The following PTPRR variants were observed in gnomAD, a reference collection of about 807,000 sequenced individuals.
The protein encoded by PTPRR is receptor-type tyrosine-protein phosphatase R.
PTPRR carries 38 observed loss-of-function variants against 77.2 expected under a neutral mutation model. The ratio of observed to expected loss-of-function variants is 0.49; its 90% CI spans 0.38 to 0.65. The LOEUF (loss-of-function observed/expected upper bound fraction) is 0.65, where lower values mean the gene tolerates loss of function less well. Ranked by LOEUF, PTPRR falls within the 30% of genes least tolerant of loss-of-function variation. The probability of loss-of-function intolerance (pLI) is 0.00; values close to 1 mark genes in which losing one functional copy is unlikely to be tolerated. For missense variants in PTPRR, 744 were observed against 799.2 expected (o/e 0.93, Z 0.83); for synonymous variants, 299 against 283.1 (o/e 1.06, Z -0.57).
chr12:70,638,876 A>G lies in PTPRR; in HGVS notation c.*308T>C, dbSNP rs1379505456. On this transcript the variant is annotated 3_prime_UTR_variant, in exon 14 of 14. Transcript: ENST00000283228. ...ACATTTATTACTGAATATTACATAC[A>G]TACATTCTGTGTGGCAGATAGAGTC... 1 of 300,984 alleles carries G rather than the reference A, an allele frequency of 3.3e-6. No homozygotes were observed. Among genetic ancestry groups the G allele is most frequent in the Non-Finnish European group, 6.2e-6 (1 of 160,898 alleles). The allele number at this position is 300,984 out of a possible 1,614,324, so 18.6% of individuals were successfully genotyped here. A position where few individuals can be genotyped will look rare whatever the true frequency, so the allele number is the denominator to read the frequency against.
chr12:70,862,735 T>C (rs2137080526), intron 2 of PTPRR, among the ~76,000 whole-genome samples: 1 of 143,750 alleles, frequency 7.0e-6, no homozygotes, highest in East Asian at 2.1e-4. Flanking sequence ...AAACTTAAAG[T>C]ATAATAATAA....
At chr12:70,773,486 T>G (rs1891024520) in intron 2 of PTPRR, among the ~76,000 whole-genome samples, 1 of 152,214 alleles carries the variant, frequency 6.6e-6, no homozygotes, top group African/African-American at 2.4e-5. Context: ...TGGGTGTTCA[T>G]TCCTGGTTGG....
At chr12:70,860,986 A>T (rs1892743695) in intron 2 of PTPRR, among the ~76,000 whole-genome samples, 1 of 152,090 alleles carries the variant, frequency 6.6e-6, no homozygotes, top group African/African-American at 2.4e-5. Context: ...GTATGCATGC[A>T]TTTGTTTATG....
intron 2 of PTPRR, among the ~76,000 whole-genome samples, chr12:70,821,554 G>C (rs1242112394): frequency 6.6e-6 from 1 of 151,802 alleles, no homozygotes; most frequent in East Asian, 1.9e-4. Context: ...CTTGACCTCA[G>C]GCAGGAATAA....
intron 6 of PTPRR, among the ~76,000 whole-genome samples, chr12:70,737,511 T>TATCTATC (rs1393442916): frequency 6.6e-6 from 1 of 151,248 alleles, no homozygotes; most frequent in Non-Finnish European, 1.5e-5. Context: ...TCTATCTATC[T>TATCTATC]ATCTATCTAT....
At chr12:70,766,722 C>T (rs1028101695) in intron 2 of PTPRR, among the ~76,000 whole-genome samples, 13 of 151,330 alleles carry the variant, frequency 8.6e-5, no homozygotes, top group African/African-American at 2.7e-4. Context: ...TCAGATTCAC[C>T]AAAGTTGAAA....
chr12:70,863,152 A>G (rs1892783249), intron 2 of PTPRR, among the ~76,000 whole-genome samples: 1 of 152,212 alleles, frequency 6.6e-6, no homozygotes, highest in African/African-American at 2.4e-5. Flanking sequence ...AGCATTGATC[A>G]AATTACAAAC....
At chr12:70,769,646 T>G (rs1890919518) in intron 2 of PTPRR, among the ~76,000 whole-genome samples, 1 of 151,820 alleles carries the variant, frequency 6.6e-6, no homozygotes, top group African/African-American at 2.4e-5. Flanking sequence ...CTTCACAGAA[T>G]TGGAAAAAAC....
At chr12:70,737,958 A>G (rs1889925949) in intron 6 of PTPRR, among the ~76,000 whole-genome samples, 1 of 152,250 alleles carries the variant, frequency 6.6e-6, no homozygotes. Context: ...AGATTCTCCA[A>G]GTTAAAATCT....
Position 70,874,597 on chromosome 12 carries a change from G to A in PTPRR, c.357+18082C>T, listed in dbSNP as rs558304143. Among the ~76,000 whole-genome samples the A allele has an allele frequency of 2.0e-5, 3 of 152,170 alleles. No individual in the cohort carries two copies. The South Asian group carries it at 6.2e-4, about 32-fold the overall frequency. ...GAAATGCAAATTGTCATTATCTTTC[G>A]GGAAACAATTCAGTTACATATAACT... On this transcript the variant is annotated intron_variant, in intron 2 of 13. Coordinates refer to ENST00000283228, the MANE Select transcript of PTPRR (RefSeq NM_002849.4).
At chr12:70,721,522 A>T (rs772424629) in intron 6 of PTPRR, among the ~76,000 whole-genome samples, 51 of 152,208 alleles carry the variant, frequency 3.4e-4, no homozygotes, top group Non-Finnish European at 6.5e-4. Flanking sequence ...GAATTATAAA[A>T]TATATTTCAA....
At chr12:70,715,579 G>C (rs866052305) in intron 6 of PTPRR, among the ~76,000 whole-genome samples, 2 of 152,164 alleles carry the variant, frequency 1.3e-5, no homozygotes, top group Non-Finnish European at 2.9e-5. Context: ...GCCACGCCCA[G>C]GGGGGCCAGT....
chr12:70,797,094 G>T (rs1325663849), intron 2 of PTPRR, among the ~76,000 whole-genome samples: 1 of 152,106 alleles, frequency 6.6e-6, no homozygotes, highest in Non-Finnish European at 1.5e-5. Context: ...CCTTCTCTTT[G>T]CTTTTGACTA....
At chr12:70,723,959 G>A (rs1889347248) in intron 6 of PTPRR, among the ~76,000 whole-genome samples, 1 of 152,080 alleles carries the variant, frequency 6.6e-6, no homozygotes, top group African/African-American at 2.4e-5. Context: ...TTCACAGTGA[G>A]AGACTCCCCA....
intron 2 of PTPRR, among the ~76,000 whole-genome samples, chr12:70,853,640 A>G (rs1892606814): frequency 6.6e-6 from 1 of 152,086 alleles, no homozygotes; most frequent in Non-Finnish European, 1.5e-5. Flanking sequence ...TGCTTCTTGT[A>G]CCAAGCCCTG....
intron 2 of PTPRR, among the ~76,000 whole-genome samples, chr12:70,814,598 A>G (rs1447441596): frequency 6.6e-6 from 1 of 152,168 alleles, no homozygotes; most frequent in Non-Finnish European, 1.5e-5. Flanking sequence ...CATGGCTGCT[A>G]GCAGGCTAGC....
At chr12:70,810,001 C>A (rs1053512002) in intron 2 of PTPRR, among the ~76,000 whole-genome samples, 2 of 152,130 alleles carry the variant, frequency 1.3e-5, no homozygotes, top group Non-Finnish European at 2.9e-5. Context: ...AGCATATTAG[C>A]AATTTGTTTT....
intron 8 of PTPRR, among the ~76,000 whole-genome samples, chr12:70,693,321 T>C (rs993436846): frequency 1.3e-5 from 2 of 152,176 alleles, no homozygotes; most frequent in Non-Finnish European, 2.9e-5. Flanking sequence ...AGTCTCACTT[T>C]GTTGCCCAGG....
chr12:70,784,503 C>T (rs574583528), intron 2 of PTPRR, among the ~76,000 whole-genome samples: 1 of 152,180 alleles, frequency 6.6e-6, no homozygotes, highest in South Asian at 2.1e-4. Context: ...CCCCCTTGTC[C>T]GGAGCACAAC....
Sources: gnomAD v4.1 joint callset for allele counts (sites outside exome capture counted in the v4.1 genomes callset) on GRCh38, gnomAD v4.1.1 for gene constraint, MANE v1.5 for transcripts, NCBI Gene and HGNC (gene_info 2026-07-23, HGNC 2026-07-21) for gene names.